EIF4ENIF1: variants seen among roughly 807,000 people sequenced by gnomAD.
The protein encoded by EIF4ENIF1 is eukaryotic translation initiation factor 4E transporter.
Under a neutral mutation model 110.5 loss-of-function variants are expected in EIF4ENIF1, and 23 were observed. The observed-to-expected ratio is 0.21, with a 90% CI of 0.15 to 0.29. The LOEUF is 0.29. EIF4ENIF1 is among the 10% of genes least tolerant of loss of function. The pLI is 1.00. For missense variants in EIF4ENIF1, 1,031 were observed against 1,221.1 expected, an observed-to-expected ratio of 0.84 and a Z score of 2.32; for synonymous variants, 440 against 437.0, an observed-to-expected ratio of 1.01 and a Z score of -0.09.
intron 4 of EIF4ENIF1, among the ~76,000 whole-genome samples, chr22:31,464,838 A>T (rs1306882784): frequency 6.6e-6 from 1 of 150,396 alleles, no homozygotes; most frequent in Non-Finnish European, 1.5e-5. Flanking sequence ...GCACTGGGTT[A>T]GGCAAAGTTT....
At chr22:31,477,321 T>TCTC (rs1167860665) in intron 2 of EIF4ENIF1, among the ~76,000 whole-genome samples, 1 of 128,388 alleles carries the variant, frequency 7.8e-6, no homozygotes, top group Non-Finnish European at 1.5e-5. Context: ...AAGCTGAGAT[T>TCTC]CTCCAGCCTC....
chr22:31,456,313 T>C (rs1188940962), intron 7 of EIF4ENIF1, among the ~76,000 whole-genome samples: 2 of 148,152 alleles, frequency 1.3e-5, no homozygotes, highest in Non-Finnish European at 3.0e-5. Context: ...AAGCTCCGCC[T>C]CCCGGGTTCA....
intron 2 of EIF4ENIF1, among the ~76,000 whole-genome samples, chr22:31,488,089 C>T (rs78419390): frequency 2.2e-4 from 33 of 152,290 alleles, no homozygotes; most frequent in Admixed American, 3.9e-4. Flanking sequence ...GCAGTTTAAG[C>T]ATCTCCAGTT....
intron 17 of EIF4ENIF1, among the ~76,000 whole-genome samples, chr22:31,441,430 C>T (rs754467682): frequency 6.6e-6 from 1 of 150,692 alleles, no homozygotes; most frequent in Non-Finnish European, 1.5e-5. Flanking sequence ...GTCCCAGCTA[C>T]TCGGGAGGCT....
chr22:31,464,225 A>G (rs1477664129), intron 4 of EIF4ENIF1: 1 of 402,660 alleles, frequency 2.5e-6, no homozygotes, highest in African/African-American at 2.1e-5. Flanking sequence ...CAGTGCCTTT[A>G]TTTTGACCAA....
At chr22:31,467,814 A>G (rs888520508) in intron 4 of EIF4ENIF1, among the ~76,000 whole-genome samples, 12 of 152,134 alleles carry the variant, frequency 7.9e-5, no homozygotes, top group African/African-American at 2.9e-4. Flanking sequence ...GAACAAAAAA[A>G]AAAGAATTGC....
chr22:31,454,975 G>A (rs912717983), intron 9 of EIF4ENIF1, among the ~76,000 whole-genome samples, 161 bp downstream of exon 9: 1 of 152,028 alleles, frequency 6.6e-6, no homozygotes, highest in Non-Finnish European at 1.5e-5. Flanking sequence ...TCAAAGAGGT[G>A]GTATTGTTTG....
At chr22:31,484,602 G>A (rs1321133642) in intron 2 of EIF4ENIF1, among the ~76,000 whole-genome samples, 1 of 151,692 alleles carries the variant, frequency 6.6e-6, no homozygotes, top group East Asian at 1.9e-4. Context: ...GGGAAGCCAA[G>A]GTGGGCGGAT....
chr22:31,465,415 G>A (rs569590068), intron 4 of EIF4ENIF1, among the ~76,000 whole-genome samples: 2 of 151,392 alleles, frequency 1.3e-5, no homozygotes, highest in South Asian at 4.2e-4. Context: ...AGGCAAATAA[G>A]CATATGAAAA....
intron 7 of EIF4ENIF1, 98 bp downstream of exon 7, chr22:31,458,377 C>A: frequency 9.0e-7 from 1 of 1,106,722 alleles, no homozygotes; most frequent in Non-Finnish European, 1.2e-6. Flanking sequence ...AAGCCAAAAA[C>A]CCCAAAAGCA....
intron 2 of EIF4ENIF1, among the ~76,000 whole-genome samples, chr22:31,485,970 G>A (rs939574271): frequency 6.6e-6 from 1 of 151,980 alleles, no homozygotes; most frequent in African/African-American, 2.4e-5. Context: ...AAATAGGCCA[G>A]GTGCAGTGGC....
chr22:31,446,278 T>C (rs1055459421), intron 14 of EIF4ENIF1, among the ~76,000 whole-genome samples: 9 of 15,204 alleles, frequency 5.9e-4, no homozygotes, highest in East Asian at 0.01. Flanking sequence ...GATCAAGAGA[T>C]TGTCTCCAAA....
At position 31,488,654 on chromosome 22, in the gene EIF4ENIF1, G is replaced by A. The variant is rs546848674; in HGVS notation, c.65C>T (p.Pro22Leu). 8 of 1,614,094 alleles carry A rather than the reference G, an allele frequency of 5.0e-6. No homozygotes were observed. The East Asian group carries it at 1.8e-4, about 36-fold the overall frequency. ...GDAFLDLKKPPASKCPHRYTK... is the reference protein window; with the variant it reads ...GDAFLDLKKPLASKCPHRYTK... ...ATAGCGATGGGGGCATTTGGAGGCAGGAGGCTTCTTCAGGTCAAGGAAAGC... is the reference window on the plus strand; with the variant it reads ...ATAGCGATGGGGGCATTTGGAGGCAAGAGGCTTCTTCAGGTCAAGGAAAGC... Residue 22 changes from proline to leucine, a missense_variant, in exon 2 of 19, where the codon CCT becomes CTT. Physicochemically the swap from Pro to Leu is moderately conservative, Grantham distance 98 (BLOSUM62 -3). Around this residue, in one of 3 missense-constraint regions of EIF4ENIF1, gnomAD observed 704 missense variants for 879.7 expected, o/e 0.80. Transcript: ENST00000330125.
rs757786466 is a variant in EIF4ENIF1, at chr22:31,488,591, AG to A, written c.96+31del. On this transcript the variant is annotated intron_variant, in intron 2 of 18. Coordinates refer to ENST00000330125, the MANE Select transcript of EIF4ENIF1 (RefSeq NM_019843.4). ...ATGTTACTAACTTCGCCACCTAAAA[AG>A]AAACACTATTTCATTAGTGGCAAAC... The A allele has an allele frequency of 1.2e-5, 20 of 1,613,952 alleles. No individual in the cohort carries two copies. In the African/African-American group the frequency reaches 2.7e-4, roughly 22 times the overall value.
At chr22:31,440,928 C>T (rs1185204406) in intron 17 of EIF4ENIF1, 60 bp from the exon 18 acceptor site, 1 of 1,591,290 alleles carries the variant, frequency 6.3e-7, no homozygotes, top group East Asian at 2.3e-5. Flanking sequence ...AGTTTTCCAG[C>T]TTCACTGTAC....
chr22:31,488,538 C>T (rs1260352756), intron 2 of EIF4ENIF1, 85 bp downstream of exon 2: 27 of 1,559,852 alleles, frequency 1.7e-5, no homozygotes, highest in Non-Finnish European at 2.4e-5. Flanking sequence ...ATGAGATTAC[C>T]ACTTAATAGG....
intron 17 of EIF4ENIF1, among the ~76,000 whole-genome samples, chr22:31,441,536 GTC>G (rs1243758842): frequency 8.6e-6 from 1 of 115,786 alleles, no homozygotes; most frequent in Non-Finnish European, 1.6e-5. Flanking sequence ...TGAGACTTCT[GTC>G]TCTACAAAAA....
intron 11 of EIF4ENIF1, 85 bp from the exon 12 acceptor site, chr22:31,449,616 C>T: frequency 7.8e-7 from 1 of 1,277,138 alleles, no homozygotes; most frequent in Non-Finnish European, 1.1e-6. Context: ...TTTTGAGAGC[C>T]ACAAGATGGA....
intron 3 of EIF4ENIF1, among the ~76,000 whole-genome samples, chr22:31,471,282 G>C (rs1437048457): frequency 6.6e-6 from 1 of 151,282 alleles, no homozygotes; most frequent in Non-Finnish European, 1.5e-5. Context: ...CACTGGTAGA[G>C]GACAAGACCC....
Sources: gnomAD v4.1 joint callset for allele counts (sites outside exome capture counted in the v4.1 genomes callset) on GRCh38, gnomAD v4.1.1 for gene constraint, gnomAD v4.1.1 regional missense constraint, MANE v1.5 for transcripts, NCBI Gene and HGNC (gene_info 2026-07-23, HGNC 2026-07-21) for gene names.